Variants in FCN2 observed in about 807,000 individuals in gnomAD.
The protein encoded by FCN2 is ficolin 2.
FCN2 carries 31 observed loss-of-function variants against 32.5 expected under a neutral mutation model. That is an observed-to-expected ratio of 0.96 (90% confidence interval 0.72 to 1.29). The LOEUF (loss-of-function observed/expected upper bound fraction) is 1.29, where lower values mean the gene tolerates loss of function less well. Ranked by LOEUF, FCN2 falls within the 50% of genes most tolerant of loss-of-function variation. The pLI, the probability that FCN2 is intolerant of heterozygous loss-of-function variation, is 0.00. For synonymous variants in FCN2, 181 were observed against 164.5 expected, an observed-to-expected ratio of 1.10 and a Z score of -0.77; for missense variants, 412 against 406.5, an observed-to-expected ratio of 1.01 and a Z score of -0.12.
chr9:134,882,557 C>T lies in FCN2; in HGVS notation c.132C>T (p.Asp44=), dbSNP rs1279968415. ...EVKMVGLEGS[D]KLTILRGCPG... Reference sequence around the variant, plus strand: ...AGATGGTGGGCCTGGAGGGCTCTGACAAGCTCACCATTCTCCGAGGCTGTC... The same window carrying T: ...AGATGGTGGGCCTGGAGGGCTCTGATAAGCTCACCATTCTCCGAGGCTGTC... Residue 44 remains aspartate (D), a synonymous_variant, in exon 2 of 8, where the codon GAC becomes GAT. Coordinates refer to ENST00000291744, the MANE Select transcript of FCN2 (RefSeq NM_004108.3). The T allele has an allele frequency of 2.5e-6, 4 of 1,614,166 alleles. No individual in the cohort carries two copies. The highest frequency in any genetic ancestry group is 1.3e-5 in the African/African-American group (1 of 75,056).
chr9:134,868,895 C>A, the FCN2 span, among the ~76,000 whole-genome samples: 49 of 152,344 alleles, frequency 3.2e-4, no homozygotes, highest in South Asian at 9.9e-3. The surrounding 1 kb of genome is among the most constrained non-coding windows in gnomAD (Gnocchi z 4.3). Context: ...GCAGGGCCAC[C>A]GTGCCTGTTT....
At chr9:134,877,792 G>A (rs911422691), upstream of FCN2, among the ~76,000 whole-genome samples, 2 of 152,320 alleles carry the variant, frequency 1.3e-5, no homozygotes, top group Non-Finnish European at 1.5e-5. Context: ...CTGGGCTGAG[G>A]CACAGAGGTA....
chr9:134,867,563 C>T, the FCN2 span, among the ~76,000 whole-genome samples: 9 of 149,896 alleles, frequency 6.0e-5, no homozygotes, highest in Non-Finnish European at 1.2e-4. Context: ...GTGGGTGCAG[C>T]ACACCAGCAT....
At chr9:134,873,682 C>T in the FCN2 span, among the ~76,000 whole-genome samples, 13 of 152,126 alleles carry the variant, frequency 8.5e-5, no homozygotes, top group African/African-American at 2.9e-4. Flanking sequence ...TAGGAAGAGT[C>T]GACGATGTTA....
rs779657927 is a variant in FCN2, at chr9:134,887,296, C to G, written c.823C>G (p.Leu275Val). 15 of 1,614,200 alleles carry G rather than the reference C, an allele frequency of 9.3e-6. No homozygotes were observed. In the South Asian group the frequency reaches 1.6e-4, roughly 18 times the overall value. Residue 275 changes from leucine to valine, a missense_variant, in exon 8 of 8, where the codon CTG becomes GTG. Leu to Val is a conservative substitution (Grantham distance 32). Coordinates refer to ENST00000291744, the MANE Select transcript of FCN2 (RefSeq NM_004108.3). ...GTACAAAAACTGCCATGTGTCAAAC[C>G]TGAATGGTCGCTACCTCAGGGGGAC... ...WWYKNCHVSN[L>V]NGRYLRGTHG...
the FCN2 span, among the ~76,000 whole-genome samples, chr9:134,864,704 C>T: frequency 1.3e-5 from 2 of 152,166 alleles, no homozygotes; most frequent in African/African-American, 4.8e-5. Flanking sequence ...AGAGCGATCA[C>T]ACTCCGGGAA....
At chr9:134,886,286 C>T in intron 6 of FCN2, 144 bp from the exon 7 acceptor site, 1 of 957,336 alleles carries the variant, frequency 1.0e-6, no homozygotes, top group Non-Finnish European at 1.7e-6. Context: ...CAGAGCTACA[C>T]AGGCCCCGGG....
intron 7 of FCN2, 34 bp from the exon 8 acceptor site, chr9:134,887,134 G>T: frequency 6.2e-7 from 1 of 1,613,222 alleles, no homozygotes; most frequent in Non-Finnish European, 8.5e-7. Flanking sequence ...TGATGTTACT[G>T]CCTGTAACGA....
chr9:134,869,215 G>A, the FCN2 span, among the ~76,000 whole-genome samples: 1 of 152,196 alleles, frequency 6.6e-6, no homozygotes, highest in African/African-American at 2.4e-5. Flanking sequence ...CTCACACGTT[G>A]TACCAAAGGT....
chr9:134,881,854 G>A (rs72776338), intron 1 of FCN2, among the ~76,000 whole-genome samples: 3 of 152,266 alleles, frequency 2.0e-5, no homozygotes, highest in South Asian at 2.1e-4. Context: ...ATAATAGCAC[G>A]TGTTATTTTT....
At chr9:134,873,518 G>T in the FCN2 span, among the ~76,000 whole-genome samples, 1 of 152,148 alleles carries the variant, frequency 6.6e-6, no homozygotes, top group Non-Finnish European at 1.5e-5. Context: ...GGACCCTTGG[G>T]ATTACACCAG....
the FCN2 span, among the ~76,000 whole-genome samples, chr9:134,869,139 C>T: frequency 6.1e-4 from 93 of 152,348 alleles, no homozygotes; most frequent in Admixed American, 3.5e-3. Context: ...TCTGCCCACT[C>T]GGCCCCCGTG....
At chr9:134,876,418 G>C (rs1264935399), upstream of FCN2, among the ~76,000 whole-genome samples, 1 of 151,912 alleles carries the variant, frequency 6.6e-6, no homozygotes, top group Non-Finnish European at 1.5e-5. Context: ...TTTTTGCTGG[G>C]CTCTCTATTC....
upstream of FCN2, among the ~76,000 whole-genome samples, chr9:134,880,018 A>G (rs1483083222): frequency 6.6e-6 from 1 of 152,124 alleles, no homozygotes; most frequent in African/African-American, 2.4e-5. Context: ...CAACCACTGA[A>G]GTAAGTCCAC....
chr9:134,884,263 A>G (rs3128623), intron 3 of FCN2, among the ~76,000 whole-genome samples: 56,306 of 151,980 alleles, frequency 0.37, 10,644 homozygotes, highest in South Asian at 0.44. Context: ...ACTCACCTTT[A>G]CCCACAGACC....
At chr9:134,864,672 GC>G in the FCN2 span, among the ~76,000 whole-genome samples, 3 of 152,290 alleles carry the variant, frequency 2.0e-5, no homozygotes, top group East Asian at 3.9e-4. Flanking sequence ...AGGTGAGTCA[GC>G]CCCCCGGTGG....
chr9:134,875,696 C>G, the FCN2 span, among the ~76,000 whole-genome samples: 1 of 152,194 alleles, frequency 6.6e-6, no homozygotes, highest in Middle Eastern at 3.2e-3. Flanking sequence ...ATGTATCCCT[C>G]AATTCCTATT....
intron 2 of FCN2, 77 bp from the exon 3 acceptor site, chr9:134,883,225 A>G: frequency 8.2e-7 from 1 of 1,220,980 alleles, no homozygotes; most frequent in Non-Finnish European, 1.2e-6. Flanking sequence ...TGGAAATGAC[A>G]GCCGCCAGCT....
At chr9:134,877,943 G>C (rs1373704213), upstream of FCN2, among the ~76,000 whole-genome samples, 2 of 152,220 alleles carry the variant, frequency 1.3e-5, no homozygotes, top group African/African-American at 4.8e-5. Context: ...ATTTGAGTCA[G>C]TGGGCTGGGG....
Sources: allele counts gnomAD v4.1 joint callset (sites outside exome capture counted in the v4.1 genomes callset), GRCh38; gene constraint gnomAD v4.1.1; non-coding constraint Gnocchi (gnomAD v3.1); transcripts MANE v1.5; gene names NCBI Gene and HGNC (gene_info 2026-07-23, HGNC 2026-07-21).